SORBS3: variants seen among roughly 807,000 people sequenced by gnomAD.
SORBS3 encodes the protein sorbin and SH3 domain containing 3.
In SORBS3, 69 loss-of-function variants were observed where a neutral mutation model predicts 98.0. That is an observed-to-expected ratio of 0.70 (90% CI 0.58 to 0.86). The LOEUF (loss-of-function observed/expected upper bound fraction) is 0.86, where lower values mean the gene tolerates loss of function less well. Ranked by LOEUF, SORBS3 falls within the 40% of genes least tolerant of loss-of-function variation. The pLI is 0.00. For synonymous variants in SORBS3, 394 were observed against 355.4 expected, an observed-to-expected ratio of 1.11 and a Z score of -1.22; for missense variants, 954 against 908.5, an observed-to-expected ratio of 1.05 and a Z score of -0.64.
chr8:22,566,913 G>T, intron 15 of SORBS3, 45 bp downstream of exon 15: 1 of 1,593,210 alleles, frequency 6.3e-7, no homozygotes, highest in Non-Finnish European at 8.6e-7. Context: ...GGCAATCTCT[G>T]CCATCCCAGA....
upstream of SORBS3, chr8:22,551,727 A>G: frequency 3.0e-6 from 3 of 984,098 alleles, no homozygotes; most frequent in Non-Finnish European, 3.6e-6. This position sits in a 1 kb window ranked among gnomAD's most constrained non-coding sequence, Gnocchi z 5.8. Flanking sequence ...GAGCACTCGC[A>G]CGTCCCTCCT....
At chr8:22,562,931 A>T (rs950549872) in intron 7 of SORBS3, among the ~76,000 whole-genome samples, 6 of 152,188 alleles carry the variant, frequency 3.9e-5, no homozygotes, top group Non-Finnish European at 8.8e-5. Context: ...CCTGGCTAAC[A>T]TGGTGAAACC....
intron 20 of SORBS3, among the ~76,000 whole-genome samples, 194 bp from the exon 21 acceptor site, chr8:22,574,470 GGGA>G (rs1840676319): frequency 6.6e-6 from 1 of 152,164 alleles, no homozygotes; most frequent in African/African-American, 2.4e-5. Flanking sequence ...GGTTGAGTGT[GGGA>G]AGTGTAGCTT....
chr8:22,563,861 G>C, intron 7 of SORBS3, 126 bp from the exon 8 acceptor site: 1 of 702,238 alleles, frequency 1.4e-6, no homozygotes, highest in Non-Finnish European at 2.5e-6. Context: ...CCAGAGTAAC[G>C]GCAGGGCAGT....
At chr8:22,555,024 G>A (rs1840159374) in intron 3 of SORBS3, 44 bp downstream of exon 3, 4 of 1,533,108 alleles carry the variant, frequency 2.6e-6, no homozygotes, top group Non-Finnish European at 2.7e-6. Flanking sequence ...GAGGGTCAGG[G>A]CCCTGCCATC....
At chr8:22,549,109 G>A (rs557693275), upstream of SORBS3, among the ~76,000 whole-genome samples, 33 of 152,356 alleles carry the variant, frequency 2.2e-4, 2 homozygotes, top group African/African-American at 7.9e-4. Context: ...GGAAAACAGG[G>A]CAGTTATGTA....
intron 3 of SORBS3, among the ~76,000 whole-genome samples, chr8:22,555,870 A>G (rs114680180): frequency 0.034 from 5,165 of 152,194 alleles, 310 homozygotes; most frequent in African/African-American, 0.12. Flanking sequence ...CAAAAACAAA[A>G]CAAAACCAAA....
Position 22,554,178 on chromosome 8 carries a change from T to A in SORBS3, c.-55-274T>A. On this transcript the variant is annotated intron_variant, in intron 1 of 20. Transcript: ENST00000240123. The surrounding 1 kb of genome is among the most constrained non-coding windows in gnomAD (Gnocchi z 6.5). ...ACGGGCTCCTGGCCAGCCCCTCCCC[T>A]CCTCCTCACCCAAGCTCCCCCTCCC... is the stretch of plus-strand genomic sequence containing the variant. 5 of 163,338 alleles carry A rather than the reference T, an allele frequency of 3.1e-5. No individual in the cohort carries two copies. The highest frequency in any genetic ancestry group is 4.9e-5 in the Non-Finnish European group (4 of 81,350). 10.1% of individuals were successfully genotyped at this position (163,338 alleles called of 1,614,324 possible).
At chr8:22,551,530 T>C (rs1305738571), upstream of SORBS3, among the ~76,000 whole-genome samples, 2 of 151,974 alleles carry the variant, frequency 1.3e-5, no homozygotes, top group Admixed American at 6.5e-5. The surrounding 1 kb of genome is among the most constrained non-coding windows in gnomAD (Gnocchi z 5.8). Flanking sequence ...AAACTCTGAG[T>C]GGCCCGTGTC....
intron 20 of SORBS3, 24 bp downstream of exon 20, chr8:22,572,470 G>T (rs752121450): frequency 4.5e-6 from 7 of 1,540,706 alleles, no homozygotes; most frequent in Non-Finnish European, 6.3e-6. Context: ...CCGGGAGGGG[G>T]CATCTCAGGG....
In SORBS3 at chr8:22,556,924, G is replaced by C. The variant is rs1459851364; in HGVS notation, c.414+16G>C. 2 of 1,610,982 alleles carry C rather than the reference G, an allele frequency of 1.2e-6. No homozygotes were observed. The highest frequency in any genetic ancestry group is 2.7e-5 in the African/African-American group (2 of 74,936). ...CCCCCGATCCGTGAGTCCAGGGCTG[G>C]GGGCCACGGAGAGATGGGGCCCAGG... On this transcript the variant is annotated intron_variant, in intron 4 of 20. Transcript: ENST00000240123.
At chr8:22,562,125 G>A (rs1174955063) in intron 7 of SORBS3, among the ~76,000 whole-genome samples, 194 bp downstream of exon 7, 1 of 152,234 alleles carries the variant, frequency 6.6e-6, no homozygotes, top group South Asian at 2.1e-4. Flanking sequence ...CTTCCCTACA[G>A]GGTCAAGGGG....
intron 5 of SORBS3, chr8:22,560,983 G>A (rs1180490752): frequency 2.8e-5 from 7 of 248,646 alleles, no homozygotes; most frequent in African/African-American, 6.7e-5. Flanking sequence ...AAATGGGGAA[G>A]GAAAGCGTTT....
At chr8:22,555,900 T>C (rs951840499) in intron 3 of SORBS3, among the ~76,000 whole-genome samples, 2 of 152,104 alleles carry the variant, frequency 1.3e-5, no homozygotes, top group Non-Finnish European at 2.9e-5. Flanking sequence ...CACACAATTA[T>C]GGAACACCCA....
At chr8:22,564,957 G>A in intron 10 of SORBS3, 1 of 1,320,160 alleles carries the variant, frequency 7.6e-7, no homozygotes, top group East Asian at 3.4e-5. Flanking sequence ...GAAGATGGGA[G>A]AGGAAATGGG....
chr8:22,545,879 C>A (rs1374353573), intron 1 of SORBS3, among the ~76,000 whole-genome samples: 1 of 152,218 alleles, frequency 6.6e-6, no homozygotes, highest in African/African-American at 2.4e-5. Context: ...GAGGATGACA[C>A]TGTAAATCCC....
At chr8:22,572,511 C>T (rs1840615736) in intron 20 of SORBS3, 65 bp downstream of exon 20, 2 of 1,225,696 alleles carry the variant, frequency 1.6e-6, no homozygotes, top group Non-Finnish European at 2.4e-6. Context: ...GTGCTGTTGC[C>T]TGCCAGTGCT....
intron 5 of SORBS3, among the ~76,000 whole-genome samples, chr8:22,559,849 A>C (rs887392670): frequency 6.6e-6 from 1 of 152,170 alleles, no homozygotes; most frequent in African/African-American, 2.4e-5. Context: ...CCTGGGACTC[A>C]TTCAAAAGAG....
At position 22,571,664 on chromosome 8, in the gene SORBS3, A is replaced by T. The variant is rs779072342; in HGVS notation, c.1744-54A>T. ...TTTGGGCCTCCTCCCTCAGGCTTAC[A>T]TGTACCCATCGTCTTCCTCCCTCTG... On this transcript the variant is annotated intron_variant, in intron 18 of 20. Transcript: ENST00000240123. 20 of 1,375,596 alleles carry T rather than the reference A, an allele frequency of 1.5e-5. No individual in the cohort carries two copies. In the Middle Eastern group the frequency reaches 5.3e-4, roughly 37 times the overall value. The allele number at this position is 1,375,596 out of a possible 1,614,324, so 85.2% of individuals were successfully genotyped here. A position where few individuals can be genotyped will look rare whatever the true frequency, so the allele number is the denominator to read the frequency against.
Sources: allele counts gnomAD v4.1 joint callset (sites outside exome capture counted in the v4.1 genomes callset), GRCh38; gene constraint gnomAD v4.1.1; non-coding constraint Gnocchi (gnomAD v3.1); transcripts MANE v1.5; gene names NCBI Gene and HGNC (gene_info 2026-07-23, HGNC 2026-07-21).